The following CPN2 variants were observed in gnomAD, a reference collection of about 807,000 sequenced individuals.
CPN2 encodes carboxypeptidase N subunit 2, also known as carboxypeptidase N 83 kDa chain.
For synonymous variants in CPN2, 336 were observed against 318.4 expected (o/e 1.06, Z -0.59); for missense variants, 620 against 671.4 (o/e 0.92, Z 0.85).
chr3:194,349,134 G>A (rs940329138), intron 1 of CPN2, among the ~76,000 whole-genome samples: 5 of 152,136 alleles, frequency 3.3e-5, no homozygotes, highest in African/African-American at 2.4e-5. Flanking sequence ...GCTGAGGCGG[G>A]AGCATCACCT....
At position 194,340,823 on chromosome 3, in the gene CPN2, G is replaced by A; in HGVS notation, c.*242C>T. ...AGGCTGTGGTGCAGCTTTTGAGGGT[G>A]CTTTGCAAGGCATAAGGATGGCCTT... is the stretch of plus-strand genomic sequence containing the variant. On this transcript the variant is annotated 3_prime_UTR_variant, in exon 2 of 2. Transcript: ENST00000323830. The A allele has an allele frequency of 1.9e-6, 1 of 525,634 alleles. No homozygotes were observed. Among genetic ancestry groups the A allele is most frequent in the Non-Finnish European group, 3.3e-6 (1 of 307,592 alleles). The allele number at this position is 525,634 out of a possible 1,614,324, so 32.6% of individuals were successfully genotyped here. A position where few individuals can be genotyped will look rare whatever the true frequency, so the allele number is the denominator to read the frequency against.
In CPN2 at chr3:194,347,071, G is replaced by A. The variant is rs187173805; in HGVS notation, c.-4+4171C>T. 1.8e-3 allele frequency among the ~76,000 whole-genome samples: 274 copies of A among 152,306 alleles called. 1 individual carries two copies. The highest frequency in any genetic ancestry group is 6.4e-3 in the Admixed American group (98 of 15,298). On this transcript the variant is annotated intron_variant, in intron 1 of 1. Coordinates refer to ENST00000323830, the MANE Select transcript of CPN2 (RefSeq NM_001080513.4). ...CCCTCCCTGGGAACTGGGGAGGCTGGCCCCCAGGGCCACAGTGGGGTGGCA... is the reference window on the plus strand; with the variant it reads ...CCCTCCCTGGGAACTGGGGAGGCTGACCCCCAGGGCCACAGTGGGGTGGCA...
chr3:194,342,548 T>C lies in CPN2; in HGVS notation c.155A>G (p.Lys52Arg), dbSNP rs371140524. The stretch of plus-strand genomic sequence containing the variant: ...CGAGGTCTCCACAAAGATGATGTTT[T>C]TCGTATATGGCGGGATGTCCAGTGG... Reference protein sequence around the residue: ...TVPLDIPPYTKNIIFVETSFT... With the variant: ...TVPLDIPPYTRNIIFVETSFT... The change falls in exon 2 of 2, where the codon AAA becomes AGA. Residue 52 changes from lysine to arginine, a missense_variant. Lys to Arg is a conservative substitution (Grantham distance 26). Coordinates refer to ENST00000323830, the MANE Select transcript of CPN2 (RefSeq NM_001080513.4). The C allele has an allele frequency of 3.1e-6, 5 of 1,614,014 alleles. No individual in the cohort carries two copies. Among genetic ancestry groups the C allele is most frequent in the South Asian group, 1.1e-5 (1 of 91,086 alleles).
In CPN2 at chr3:194,340,817, G is replaced by T; in HGVS notation, c.*248C>A. On this transcript the variant is annotated 3_prime_UTR_variant, in exon 2 of 2. Coordinates refer to ENST00000323830, the MANE Select transcript of CPN2 (RefSeq NM_001080513.4). The stretch of plus-strand genomic sequence containing the variant: ...TTCTCCAGGCTGTGGTGCAGCTTTT[G>T]AGGGTGCTTTGCAAGGCATAAGGAT... 2.0e-6 allele frequency: 1 copy of T among 510,270 alleles called. No individual in the cohort carries two copies. Among genetic ancestry groups the T allele is most frequent in the Non-Finnish European group, 3.4e-6 (1 of 296,250 alleles). The allele number at this position is 510,270 out of a possible 1,614,324, so 31.6% of individuals were successfully genotyped here. A position where few individuals can be genotyped will look rare whatever the true frequency, so the allele number is the denominator to read the frequency against.
chr3:194,350,712 T>C (rs1713234888), intron 1 of CPN2, among the ~76,000 whole-genome samples: 1 of 152,110 alleles, frequency 6.6e-6, no homozygotes, highest in African/African-American at 2.4e-5. Flanking sequence ...GGGCCTGAGC[T>C]GGGTGCTGTG....
intron 1 of CPN2, among the ~76,000 whole-genome samples, chr3:194,343,326 A>G (rs1712934679): frequency 6.6e-6 from 1 of 152,262 alleles, no homozygotes; most frequent in South Asian, 2.1e-4. Flanking sequence ...TTTTTAAAAA[A>G]TTAAAAAACA....
rs1388202587 is a variant in CPN2 at position 194,341,592 on chromosome 3, TC to T, written c.1110del (p.Asn371ThrfsTer3). ...LSKLELLSLS[K>X]NQLTTLPEGI... ...CCCTCCGGAAGTGTGGTCAGCTGGT[TC>T]TTGGAGAGGCTGAGCAGCTCCAGCT... On this transcript the variant is annotated frameshift_variant, in exon 2 of 2. Coordinates refer to ENST00000323830, the MANE Select transcript of CPN2 (RefSeq NM_001080513.4). LOFTEE classifies it low-confidence loss of function (END_TRUNC). The T allele has an allele frequency of 6.2e-7, 1 of 1,614,016 alleles. No individual in the cohort carries two copies. The highest frequency in any genetic ancestry group is 1.7e-5 in the Admixed American group (1 of 59,996).
chr3:194,343,069 T>A (rs7627548), intron 1 of CPN2, among the ~76,000 whole-genome samples: 33,355 of 152,042 alleles, frequency 0.22, 4,441 homozygotes, highest in Non-Finnish European at 0.31. Context: ...GATGCAGAGA[T>A]CCTGGCACCT....
chr3:194,350,824 C>CA (rs1560040429), intron 1 of CPN2, among the ~76,000 whole-genome samples: 1 of 151,034 alleles, frequency 6.6e-6, no homozygotes, highest in African/African-American at 2.4e-5. Context: ...ACCCCCATCT[C>CA]AAAAAACAAT....
At position 194,341,353 on chromosome 3, in the gene CPN2, G is replaced by C; in HGVS notation, c.1350C>G (p.Asp450Glu). ...GCCACGTGACCTGGAAGCCCAAGTGGTCCCGGGTGACGGGACACACCAGCT... is the reference window on the plus strand; with the variant it reads ...GCCACGTGACCTGGAAGCCCAAGTGCTCCCGGGTGACGGGACACACCAGCT... ...EKQLVCPVTRDHLGFQVTWPD... is the reference protein window; with the variant it reads ...EKQLVCPVTREHLGFQVTWPD... The change falls in exon 2 of 2, where the codon GAC (aspartate) becomes GAG (glutamate). Residue 450 changes from aspartate (D) to glutamate (E), a missense_variant. By Grantham distance (45) the Asp-to-Glu change is conservative. Coordinates refer to ENST00000323830, the MANE Select transcript of CPN2 (RefSeq NM_001080513.4). 6.2e-7 allele frequency: 1 copy of C among 1,613,986 alleles called. No homozygotes were observed. Among genetic ancestry groups the C allele is most frequent in the Non-Finnish European group, 8.5e-7 (1 of 1,180,054 alleles).
Position 194,342,287 on chromosome 3 carries a change from C to T in CPN2, c.416G>A (p.Gly139Asp). Reference sequence around the variant, plus strand: ...CAGGGCAGCCAGGTGCTGGAAAAGACCCTCGGGCAGAGCCTCCAGCATGTT... The same window carrying T: ...CAGGGCAGCCAGGTGCTGGAAAAGATCCTCGGGCAGAGCCTCCAGCATGTT... ...NFNMLEALPE[G>D]LFQHLAALES... Residue 139 changes from glycine to aspartate, a missense_variant, in exon 2 of 2, where the codon GGT (glycine) becomes GAT (aspartate). Gly to Asp is a moderately conservative substitution (Grantham distance 94, BLOSUM62 -1). Coordinates refer to ENST00000323830, the MANE Select transcript of CPN2 (RefSeq NM_001080513.4). The T allele has an allele frequency of 6.2e-7, 1 of 1,613,826 alleles. No individual in the cohort carries two copies. The highest frequency in any genetic ancestry group is 1.1e-5 in the South Asian group (1 of 91,064).
intron 1 of CPN2, among the ~76,000 whole-genome samples, chr3:194,345,903 C>T (rs1713025355): frequency 6.6e-6 from 1 of 152,244 alleles, no homozygotes. Context: ...ATGTGCTTTA[C>T]ACATTTCCAA....
rs151251471 is a variant in CPN2 at position 194,343,017 on chromosome 3, T to C, written c.-3-312A>G. Among the ~76,000 whole-genome samples, 641 of 152,312 alleles carry C rather than the reference T, an allele frequency of 4.2e-3. 4 individuals are homozygous for C. The highest frequency in any genetic ancestry group is 0.015 in the African/African-American group (612 of 41,564). On this transcript the variant is annotated intron_variant, in intron 1 of 1. Transcript: ENST00000323830. The stretch of plus-strand genomic sequence containing the variant: ...GAGTTGGAAGCTCCTAGACCGTAAC[T>C]CTTCCTGAGTTTCCAAATCTCAGCA...
At chr3:194,347,626 C>CCAGCCCACCCCATCCTCTGCCCAGTT (rs1560038775) in intron 1 of CPN2, among the ~76,000 whole-genome samples, 17 of 149,998 alleles carry the variant, frequency 1.1e-4, no homozygotes, top group African/African-American at 2.5e-4. Context: ...CCTGCCTTGG[C>CCAGCCCACCCCATCCTCTGCCCAGTT]CAGCCCACCC....
At position 194,341,829 on chromosome 3, in the gene CPN2, C is replaced by G; in HGVS notation, c.874G>C (p.Val292Leu). The G allele has an allele frequency of 6.2e-7, 1 of 1,613,918 alleles. No individual in the cohort carries two copies. Residue 292 changes from valine (V) to leucine (L), a missense_variant, in exon 2 of 2, where the codon GTT becomes CTT. Val to Leu is a conservative substitution (Grantham distance 32). Coordinates refer to ENST00000323830, the MANE Select transcript of CPN2 (RefSeq NM_001080513.4). ...AGLFAHTPCL[V>L]GLSLTHNQLE... ...TGGTTATGGGTCAGAGACAGGCCAA[C>G]CAGGCACGGGGTGTGGGCAAAGAGG...
rs1225918987 is a variant in CPN2, at chr3:194,340,069, C to A, written c.*996G>T. ...CCTGGGATCAATGGAAAGGAATGTT[C>A]AGGTTAAGATAAAGGATCGTGGAGG... On this transcript the variant is annotated 3_prime_UTR_variant, in exon 2 of 2. Coordinates refer to ENST00000323830, the MANE Select transcript of CPN2 (RefSeq NM_001080513.4). The A allele has an allele frequency of 6.6e-6, 1 of 152,118 alleles. No individual in the cohort carries two copies. Among genetic ancestry groups the A allele is most frequent in the Non-Finnish European group, 1.5e-5 (1 of 68,032 alleles). The allele number at this position is 152,118 out of a possible 1,614,324, so 9.4% of individuals were successfully genotyped here. A position where few individuals can be genotyped will look rare whatever the true frequency, so the allele number is the denominator to read the frequency against.
In CPN2 at chr3:194,342,338, G is replaced by A. The variant is rs762072075; in HGVS notation, c.365C>T (p.Ser122Leu). 8.7e-6 allele frequency: 14 copies of A among 1,614,120 alleles called. No homozygotes were observed. Among genetic ancestry groups the A allele is most frequent in the East Asian group, 2.2e-5 (1 of 44,878 alleles). Reference sequence around the variant, plus strand: ...GAAGTTGAGGGTGAGCTTGCCCAGCGAGGTCAGGTTGGAGAAGATGTTGGT... The same window carrying A: ...GAAGTTGAGGGTGAGCTTGCCCAGCAAGGTCAGGTTGGAGAAGATGTTGGT... Reference protein sequence around the residue: ...LSTNIFSNLTSLGKLTLNFNM... With the variant: ...LSTNIFSNLTLLGKLTLNFNM... The change falls in exon 2 of 2, where the codon TCG becomes TTG. Residue 122 changes from serine (S) to leucine (L), a missense_variant. Physicochemically the swap from Ser to Leu is moderately radical, Grantham distance 145 (BLOSUM62 -2). Transcript: ENST00000323830.
intron 1 of CPN2, among the ~76,000 whole-genome samples, chr3:194,348,507 A>T (rs1222445983): frequency 6.6e-6 from 1 of 152,226 alleles, no homozygotes; most frequent in Non-Finnish European, 1.5e-5. Flanking sequence ...GCAGCAAGAA[A>T]ATAGAAACAA....
rs199990965 is a variant in CPN2, at chr3:194,342,002, G to C, written c.701C>G (p.Pro234Arg). Reference sequence around the variant, plus strand: ...GCAGAAGAGCTGGGAGAACACCTGAGGGGGCAGCTCCGAGATGTTGTTGCT... The same window carrying C: ...GCAGAAGAGCTGGGAGAACACCTGACGGGGCAGCTCCGAGATGTTGTTGCT... ...LDSNNISELP[P>R]QVFSQLFCLE... The change falls in exon 2 of 2, where the codon CCT becomes CGT. Residue 234 changes from proline (P) to arginine (R), a missense_variant. Coordinates refer to ENST00000323830, the MANE Select transcript of CPN2 (RefSeq NM_001080513.4). The C allele has an allele frequency of 1.1e-5, 17 of 1,614,200 alleles. No individual in the cohort carries two copies. The South Asian group carries it at 1.6e-4, about 16-fold the overall frequency.
Sources: gnomAD v4.1 joint callset for allele counts (sites outside exome capture counted in the v4.1 genomes callset) on GRCh38, gnomAD v4.1.1 for gene constraint, MANE v1.5 for transcripts, NCBI Gene and HGNC (gene_info 2026-07-23, HGNC 2026-07-21) for gene names.